Variants in TMTC2 observed in about 807,000 individuals in gnomAD.
TMTC2 encodes the protein transmembrane O-mannosyltransferase targeting cadherins 2.
A neutral mutation model predicts 82.4 loss-of-function variants in TMTC2; 43 were observed. The observed-to-expected ratio is 0.52, with a 90% CI of 0.41 to 0.67. TMTC2 has a LOEUF of 0.67. Ranked by LOEUF, TMTC2 falls within the 30% of genes least tolerant of loss-of-function variation. The pLI, the probability that TMTC2 is intolerant of heterozygous loss-of-function variation, is 0.00. For synonymous variants in TMTC2, 408 were observed against 381.9 expected (o/e 1.07, Z -0.80); for missense variants, 919 against 1,012.4 (o/e 0.91, Z 1.25).
At chr12:82,871,542 T>C (rs1316911852) in intron 2 of TMTC2, among the ~76,000 whole-genome samples, 1 of 152,146 alleles carries the variant, frequency 6.6e-6, no homozygotes, top group Non-Finnish European at 1.5e-5. Context: ...ACAATAACTG[T>C]ATAACTCTGT....
chr12:83,121,561 G>A (rs1884947322), intron 11 of TMTC2, among the ~76,000 whole-genome samples: 4 of 152,078 alleles, frequency 2.6e-5, no homozygotes, highest in Admixed American at 2.6e-4. Context: ...GAGGTGGCAG[G>A]GGGGTGAAAT....
At chr12:82,836,514 G>C (rs1233713024) in intron 1 of TMTC2, among the ~76,000 whole-genome samples, 1 of 151,920 alleles carries the variant, frequency 6.6e-6, no homozygotes, top group East Asian at 1.9e-4. Flanking sequence ...CCTGAGTGAA[G>C]GGATGCATGT....
intron 1 of TMTC2, among the ~76,000 whole-genome samples, chr12:82,776,152 G>A (rs11115417): frequency 0.065 from 9,873 of 152,082 alleles, 365 homozygotes; most frequent in Middle Eastern, 0.16. Context: ...CATATCTTAG[G>A]ACTTTCTTGG....
At chr12:82,943,351 C>G (rs1313675230) in intron 4 of TMTC2, among the ~76,000 whole-genome samples, 1 of 152,194 alleles carries the variant, frequency 6.6e-6, no homozygotes, top group Non-Finnish European at 1.5e-5. Flanking sequence ...TCCTCCTTTC[C>G]TGGAAAGTGC....
At chr12:82,879,462 T>C (rs1400117380) in intron 2 of TMTC2, among the ~76,000 whole-genome samples, 1 of 152,222 alleles carries the variant, frequency 6.6e-6, no homozygotes, top group Non-Finnish European at 1.5e-5. Flanking sequence ...GAGAATCTAA[T>C]GCTGCTCCTT....
chr12:82,845,262 TA>T (rs1870591397), intron 1 of TMTC2, among the ~76,000 whole-genome samples: 1 of 129,602 alleles, frequency 7.7e-6, no homozygotes, highest in African/African-American at 2.9e-5. Flanking sequence ...AATATATATA[TA>T]TATATATATA....
chr12:82,978,875 C>T (rs141047429), intron 7 of TMTC2, among the ~76,000 whole-genome samples: 200 of 151,734 alleles, frequency 1.3e-3, no homozygotes, highest in African/African-American at 3.8e-3. Flanking sequence ...GAGTTGGGTG[C>T]GTATATATTT....
chr12:82,736,315 TA>T (rs773662900), intron 1 of TMTC2, among the ~76,000 whole-genome samples: 87 of 151,320 alleles, frequency 5.7e-4, no homozygotes, highest in African/African-American at 1.9e-3. Context: ...TGATTAACTT[TA>T]AAAAAAAACA....
At chr12:82,846,004 G>A (rs1870648036) in intron 1 of TMTC2, among the ~76,000 whole-genome samples, 1 of 151,132 alleles carries the variant, frequency 6.6e-6, no homozygotes, top group Non-Finnish European at 1.5e-5. Context: ...GCTTTATCGG[G>A]GGAACTAAAG....
chr12:83,009,130 C>T lies in TMTC2; in HGVS notation c.2071-21668C>T, dbSNP rs143085347. On this transcript the variant is annotated intron_variant, in intron 8 of 11. Coordinates refer to ENST00000321196, the MANE Select transcript of TMTC2 (RefSeq NM_152588.3). The stretch of plus-strand genomic sequence containing the variant: ...TGAATAGATTAATTGAGAGGAGTGT[C>T]TTTACCCAAAGCTCTGGGGAAGGCT... Among the ~76,000 whole-genome samples the T allele has an allele frequency of 5.9e-3, 902 of 152,266 alleles. 6 individuals carry two copies. Among genetic ancestry groups the T allele is most frequent in the African/African-American group, 0.02 (851 of 41,546 alleles).
chr12:82,711,757 G>C (rs1409796923), intron 1 of TMTC2, among the ~76,000 whole-genome samples: 1 of 152,242 alleles, frequency 6.6e-6, no homozygotes, highest in Non-Finnish European at 1.5e-5. Flanking sequence ...GCAGCAGATA[G>C]AAGTGTGTAA....
rs1156631603 is a variant in TMTC2 at position 83,061,348 on chromosome 12, T to G, written c.2268-420T>G. Among the ~76,000 whole-genome samples, 5 of 151,918 alleles carry G rather than the reference T, an allele frequency of 3.3e-5. No homozygotes were observed. The South Asian group carries it at 8.3e-4, about 25-fold the overall frequency. On this transcript the variant is annotated intron_variant, in intron 10 of 11. Coordinates refer to ENST00000321196, the MANE Select transcript of TMTC2 (RefSeq NM_152588.3). ...TGTCTTTCTAGACAGATGTGGAATT[T>G]TGAAAGTCCTGCAGATCTTTACTGT... is the stretch of plus-strand genomic sequence containing the variant.
At chr12:82,701,143 C>A (rs1055542896) in intron 1 of TMTC2, among the ~76,000 whole-genome samples, 16 of 152,164 alleles carry the variant, frequency 1.1e-4, no homozygotes, top group African/African-American at 3.9e-4. Context: ...AGAGTATATG[C>A]AAAGTTATGA....
At chr12:82,987,850 C>A (rs545816074) in intron 8 of TMTC2, among the ~76,000 whole-genome samples, 37 of 152,232 alleles carry the variant, frequency 2.4e-4, no homozygotes, top group Non-Finnish European at 4.4e-4. Flanking sequence ...ATTTGCCTAT[C>A]TCAGAATGGG....
intron 1 of TMTC2, among the ~76,000 whole-genome samples, chr12:82,713,351 AAACC>A (rs952610211): frequency 3.3e-5 from 5 of 152,102 alleles, no homozygotes; most frequent in African/African-American, 1.2e-4. Context: ...ACAAAAACAA[AAACC>A]GAGAAAGAGA....
chr12:82,839,956 A>G (rs1870246475), intron 1 of TMTC2, among the ~76,000 whole-genome samples: 1 of 152,220 alleles, frequency 6.6e-6, no homozygotes, highest in Admixed American at 6.5e-5. Context: ...AATGCAAGCA[A>G]AATTTCACAT....
chr12:82,703,239 G>T (rs1873165571), intron 1 of TMTC2, among the ~76,000 whole-genome samples: 1 of 151,998 alleles, frequency 6.6e-6, no homozygotes, highest in African/African-American at 2.4e-5. Context: ...CTAGTAATTG[G>T]GTTTTTCCAC....
chr12:83,028,903 G>A (rs533472893), intron 8 of TMTC2, among the ~76,000 whole-genome samples: 1 of 152,270 alleles, frequency 6.6e-6, no homozygotes, highest in Admixed American at 6.5e-5. Context: ...AAACATTGCA[G>A]GGAATTTAAA....
intron 1 of TMTC2, among the ~76,000 whole-genome samples, chr12:82,704,990 A>T (rs1873277055): frequency 6.6e-6 from 1 of 152,208 alleles, no homozygotes; most frequent in South Asian, 2.1e-4. Flanking sequence ...TATGTATACG[A>T]TGGAATATTA....
Sources: allele counts gnomAD v4.1 joint callset (sites outside exome capture counted in the v4.1 genomes callset), GRCh38; gene constraint gnomAD v4.1.1; transcripts MANE v1.5; gene names NCBI Gene and HGNC (gene_info 2026-07-23, HGNC 2026-07-21).